MYLIP: variants seen among roughly 807,000 people sequenced by gnomAD.
MYLIP encodes the protein E3 ubiquitin-protein ligase MYLIP.
Under a neutral mutation model 45.8 loss-of-function variants are expected in MYLIP, and 26 were observed. That is an observed-to-expected ratio of 0.57 (90% CI 0.42 to 0.79). MYLIP has a LOEUF of 0.79. MYLIP is among the 30% of genes least tolerant of loss of function. MYLIP has a pLI of 0.00. For missense variants in MYLIP, 494 were observed against 555.6 expected, an observed-to-expected ratio of 0.89 and a Z score of 1.11; for synonymous variants, 213 against 218.1, an observed-to-expected ratio of 0.98 and a Z score of 0.21.
At chr6:16,161,523 C>T in the MYLIP span, 28 of 153,362 alleles carry the variant, frequency 1.8e-4, 1 homozygote, top group South Asian at 5.0e-3. Flanking sequence ...CCATGCTATA[C>T]GATTAGAGCC....
At chr6:16,163,462 CA>C in the MYLIP span, 4 of 152,228 alleles carry the variant, frequency 2.6e-5, no homozygotes, top group Non-Finnish European at 5.9e-5. Flanking sequence ...CTGAAGCCAA[CA>C]AAGCTGTCAA....
Position 16,145,237 on chromosome 6 carries a change from T to C in MYLIP, c.1168T>C (p.Cys390Arg), listed in dbSNP as rs1264029641. 2 of 1,613,692 alleles carry C rather than the reference T, an allele frequency of 1.2e-6. No homozygotes were observed. Among genetic ancestry groups the C allele is most frequent in the Non-Finnish European group, 1.7e-6 (2 of 1,179,766 alleles). The change falls in exon 6 of 7, where the codon TGC becomes CGC. Residue 390 changes from cysteine (C) to arginine (R), a missense_variant. Transcript: ENST00000356840. ...GAAGGAAGCCATGCTGTGCATGGTGTGCTGCGAGGAGGAGATCAACTCCAC... is the reference window on the plus strand; with the variant it reads ...GAAGGAAGCCATGCTGTGCATGGTGCGCTGCGAGGAGGAGATCAACTCCAC... ...KLKEAMLCMV[C>R]CEEEINSTFC...
chr6:16,137,394 G>A (rs1376964321), intron 2 of MYLIP, among the ~76,000 whole-genome samples: 3 of 152,210 alleles, frequency 2.0e-5, no homozygotes, highest in Non-Finnish European at 2.9e-5. Context: ...ACTATGGCTA[G>A]AGTCAGTCAT....
At chr6:16,159,504 G>C in the MYLIP span, among the ~76,000 whole-genome samples, 1 of 152,212 alleles carries the variant, frequency 6.6e-6, no homozygotes, top group South Asian at 2.1e-4. Flanking sequence ...TGTGTTTGCT[G>C]TCCTTCTTAT....
rs1431805133 is a variant in MYLIP, at chr6:16,130,720, C to T, written c.251C>T (p.Pro84Leu). ...LKLRVKFFVE[P>L]HLILQEQTRH... is the part of the protein sequence containing the mutation. ...CTTAGAGTCAAGTTCTTCGTGGAGC[C>T]TCATCTCATCTTACAGGAGCAGACT... Residue 84 changes from proline to leucine, a missense_variant, in exon 2 of 7, where the codon CCT becomes CTT. Transcript: ENST00000356840. The T allele has an allele frequency of 2.2e-5, 36 of 1,614,038 alleles. No individual in the cohort carries two copies. The highest frequency in any genetic ancestry group is 3.1e-5 in the Non-Finnish European group (36 of 1,179,992).
In MYLIP at chr6:16,129,544, C is replaced by A; in HGVS notation, c.87+135C>A. ...CGGCGGCAGCCGGGGGGAGCGCGTC[C>A]CCTCCTCTCCACGGGCGTGGGGCGC... On this transcript the variant is annotated intron_variant, in intron 1 of 6. Transcript: ENST00000356840. This position sits in a 1 kb window ranked among gnomAD's most constrained non-coding sequence, Gnocchi z 5.1. 1.2e-6 allele frequency: 1 copy of A among 823,652 alleles called. No homozygotes were observed. The highest frequency in any genetic ancestry group is 1.8e-6 in the Non-Finnish European group (1 of 546,102). 51.0% of individuals were successfully genotyped at this position (823,652 alleles called of 1,614,324 possible). A position where few individuals can be genotyped will look rare whatever the true frequency, so the allele number is the denominator to read the frequency against.
chr6:16,129,314 G>A lies in MYLIP; in HGVS notation c.-9G>A, dbSNP rs1759404163. Reference sequence around the variant, plus strand: ...GAAGGCGGCTGTGGCGGCAGCGGCAGCCCCAGCCATGCTGTGTTATGTGAC... The same window carrying A: ...GAAGGCGGCTGTGGCGGCAGCGGCAACCCCAGCCATGCTGTGTTATGTGAC... On this transcript the variant is annotated 5_prime_UTR_variant, in exon 1 of 7. Transcript: ENST00000356840. The surrounding 1 kb of genome is among the most constrained non-coding windows in gnomAD (Gnocchi z 5.1). 2 of 1,559,208 alleles carry A rather than the reference G, an allele frequency of 1.3e-6. No individual in the cohort carries two copies. Among genetic ancestry groups the A allele is most frequent in the African/African-American group, 1.4e-5 (1 of 73,226 alleles).
chr6:16,133,196 C>G (rs1277047667), intron 2 of MYLIP, among the ~76,000 whole-genome samples: 1 of 152,208 alleles, frequency 6.6e-6, no homozygotes, highest in Non-Finnish European at 1.5e-5. Flanking sequence ...ATCCAGACTG[C>G]TATGGGCCCA....
chr6:16,144,152 T>C (rs1759737123), intron 5 of MYLIP, among the ~76,000 whole-genome samples: 1 of 152,102 alleles, frequency 6.6e-6, no homozygotes, highest in Non-Finnish European at 1.5e-5. Context: ...GAGATTTCTA[T>C]GCCTATTTAA....
chr6:16,130,264 A>G (rs1244250599), intron 1 of MYLIP, among the ~76,000 whole-genome samples: 1 of 152,132 alleles, frequency 6.6e-6, no homozygotes, highest in East Asian at 1.9e-4. Context: ...TACGAAGGAA[A>G]ATACCCTGTA....
chr6:16,159,431 T>C, the MYLIP span, among the ~76,000 whole-genome samples: 1 of 152,236 alleles, frequency 6.6e-6, no homozygotes, highest in Non-Finnish European at 1.5e-5. Context: ...GTAAGTATTG[T>C]GGAACAGGGC....
chr6:16,139,530 C>T (rs1759622785), intron 2 of MYLIP, among the ~76,000 whole-genome samples: 1 of 152,234 alleles, frequency 6.6e-6, no homozygotes, highest in Non-Finnish European at 1.5e-5. Flanking sequence ...CCTAACAGCA[C>T]ACCTCCACCC....
chr6:16,161,759 C>T, the MYLIP span, among the ~76,000 whole-genome samples: 2 of 152,052 alleles, frequency 1.3e-5, no homozygotes, highest in Non-Finnish European at 2.9e-5. Flanking sequence ...GACAATATTT[C>T]CTTATATTAT....
chr6:16,162,944 A>G, the MYLIP span, among the ~76,000 whole-genome samples: 1 of 152,152 alleles, frequency 6.6e-6, no homozygotes, highest in East Asian at 1.9e-4. Flanking sequence ...GAAAGATGAC[A>G]CGCCCTCTGC....
At chr6:16,142,221 T>C (rs765724774) in intron 3 of MYLIP, among the ~76,000 whole-genome samples, 78 of 152,252 alleles carry the variant, frequency 5.1e-4, no homozygotes, top group Non-Finnish European at 8.1e-4. Flanking sequence ...GACTGGGCCA[T>C]TGCCCAATTT....
chr6:16,135,592 C>T (rs1759533101), intron 2 of MYLIP, among the ~76,000 whole-genome samples: 1 of 151,872 alleles, frequency 6.6e-6, no homozygotes. Flanking sequence ...TGGTGGTTCA[C>T]GTTAGATATG....
At position 16,129,233 on chromosome 6, in the gene MYLIP, GA is replaced by G; in HGVS notation, c.-89del. 1 of 1,383,066 alleles carries G rather than the reference GA, an allele frequency of 7.2e-7. No individual in the cohort carries two copies. The highest frequency in any genetic ancestry group is 9.9e-7 in the Non-Finnish European group (1 of 1,005,468). 85.7% of individuals were successfully genotyped at this position (1,383,066 alleles called of 1,614,324 possible). ...CAGCCTTCGAGGGCCAGCCCTCTCC[GA>G]GTCCGGGGCTGGGTCCCACCAGTGA... On this transcript the variant is annotated 5_prime_UTR_variant, in exon 1 of 7. Transcript: ENST00000356840. The surrounding 1 kb of genome is among the most constrained non-coding windows in gnomAD (Gnocchi z 5.1).
chr6:16,137,076 T>C (rs1384707894), intron 2 of MYLIP, among the ~76,000 whole-genome samples: 4 of 152,346 alleles, frequency 2.6e-5, no homozygotes, highest in African/African-American at 9.6e-5. Context: ...TGCTATGTCC[T>C]GAGAAACCTT....
At chr6:16,133,727 A>G (rs1297702403) in intron 2 of MYLIP, among the ~76,000 whole-genome samples, 1 of 152,204 alleles carries the variant, frequency 6.6e-6, no homozygotes, top group Non-Finnish European at 1.5e-5. Flanking sequence ...TAATTATACC[A>G]TCCACTGCCA....
Sources: allele counts gnomAD v4.1 joint callset (sites outside exome capture counted in the v4.1 genomes callset), GRCh38; gene constraint gnomAD v4.1.1; non-coding constraint Gnocchi (gnomAD v3.1); transcripts MANE v1.5; gene names NCBI Gene and HGNC (gene_info 2026-07-23, HGNC 2026-07-21).